The following NPDC1 variants were observed in gnomAD, a reference collection of about 807,000 sequenced individuals.
NPDC1 encodes the protein neural proliferation differentiation and control protein 1.
NPDC1 carries 18 observed loss-of-function variants against 32.5 expected under a neutral mutation model. The observed-to-expected ratio is 0.55, with a 90% CI of 0.38 to 0.82. The LOEUF is 0.82. NPDC1 is among the 40% of genes least tolerant of loss of function. NPDC1 has a pLI of 0.00. For synonymous variants in NPDC1, 210 were observed against 184.7 expected (o/e 1.14, Z -1.11); for missense variants, 468 against 406.6 (o/e 1.15, Z -1.30).
chr9:137,040,976 C>A lies in NPDC1; in HGVS notation c.394G>T (p.Gly132Cys), dbSNP rs771296981. 6.5e-7 allele frequency: 1 copy of A among 1,539,142 alleles called. No individual in the cohort carries two copies. Among genetic ancestry groups the A allele is most frequent in the Non-Finnish European group, 8.7e-7 (1 of 1,145,698 alleles). ...AGCCCCTGCCCCCGTGCCGAGAAGCCCAGGGTGGCTGCGAGAGAGGACAGG... is the reference window on the plus strand; with the variant it reads ...AGCCCCTGCCCCCGTGCCGAGAAGCACAGGGTGGCTGCGAGAGAGGACAGG... ...RQRLPEPATL[G>C]FSARGQGLEL... Residue 132 changes from glycine to cysteine, a missense_variant, in exon 4 of 9, where the codon GGC becomes TGC. Transcript: ENST00000371601.
chr9:137,040,083 T>A lies in NPDC1; in HGVS notation c.789-16A>T, dbSNP rs771150538. The A allele has an allele frequency of 2.6e-6, 2 of 774,160 alleles. No homozygotes were observed. The highest frequency in any genetic ancestry group is 2.7e-5 in the South Asian group (2 of 74,412). The allele number at this position is 774,160 out of a possible 1,614,324, so 48.0% of individuals were successfully genotyped here. On this transcript the variant is annotated splice_polypyrimidine_tract_variant and intron_variant, in intron 7 of 8. Coordinates refer to ENST00000371601, the MANE Select transcript of NPDC1 (RefSeq NM_015392.4). ...CTCTTTATGCCTGGGTGGGGGGGGATCGCTGGGTCCTCCCCATGCCCTCGA... is the reference window on the plus strand; with the variant it reads ...CTCTTTATGCCTGGGTGGGGGGGGAACGCTGGGTCCTCCCCATGCCCTCGA...
rs1832044990 is a variant in NPDC1 at position 137,041,115 on chromosome 9, G to C, written c.332C>G (p.Ser111Cys). 6.6e-7 allele frequency: 1 copy of C among 1,524,782 alleles called. No individual in the cohort carries two copies. Among genetic ancestry groups the C allele is most frequent in the Non-Finnish European group, 8.8e-7 (1 of 1,138,496 alleles). The allele number at this position is 1,524,782 out of a possible 1,614,324, so 94.5% of individuals were successfully genotyped here. The change falls in exon 3 of 9, where the codon TCT (serine) becomes TGT (cysteine). Residue 111 changes from serine (S) to cysteine (C), a missense_variant. By Grantham distance (112) the Ser-to-Cys change is moderately radical. Coordinates refer to ENST00000371601, the MANE Select transcript of NPDC1 (RefSeq NM_015392.4). ...FLAQELARKE[S>C]GHSTPPLPKD... ...GGGTAGGGGCGGAGTTGAGTGTCCA[G>C]ACTCCTTCCGGGCAAGCTCCTGGGC...
chr9:137,044,341 G>C (rs9411299), intron 1 of NPDC1, among the ~76,000 whole-genome samples: 28,502 of 152,170 alleles, frequency 0.19, 3,254 homozygotes, highest in East Asian at 0.36. Flanking sequence ...CATTAAACCT[G>C]TGCCAGCAGG....
rs564238459 is a variant in NPDC1, at chr9:137,040,964, G to T, written c.406C>A (p.Arg136=). Residue 136 remains arginine, a synonymous_variant, in exon 4 of 9, where the codon CGG becomes AGG. Transcript: ENST00000371601. ...AGGCCCAGCTCCAGCCCCTGCCCCC[G>T]TGCCGAGAAGCCCAGGGTGGCTGCG... is the stretch of plus-strand genomic sequence containing the variant. ...PEPATLGFSA[R]GQGLELGLPS... 2.6e-6 allele frequency: 4 copies of T among 1,544,052 alleles called. No individual in the cohort carries two copies. The African/African-American group carries it at 4.1e-5, about 16-fold the overall frequency.
At chr9:137,040,102 C>A in intron 7 of NPDC1, 35 bp from the exon 8 acceptor site, 1 of 767,366 alleles carries the variant, frequency 1.3e-6, no homozygotes, top group Non-Finnish European at 2.4e-6. Context: ...CCTCCCCATG[C>A]CCTCGAGGTG....
Position 137,039,733 on chromosome 9 carries a change from C to T in NPDC1, c.*39G>A, listed in dbSNP as rs762561363. 8.3e-6 allele frequency: 6 copies of T among 721,894 alleles called. No homozygotes were observed. Among genetic ancestry groups the T allele is most frequent in the South Asian group, 1.4e-5 (1 of 70,196 alleles). The allele number at this position is 721,894 out of a possible 1,614,324, so 44.7% of individuals were successfully genotyped here. A position where few individuals can be genotyped will look rare whatever the true frequency, so the allele number is the denominator to read the frequency against. On this transcript the variant is annotated 3_prime_UTR_variant, in exon 9 of 9. Transcript: ENST00000371601. ...AGGCCCTGCCCCTCCCCGGGGGCCT[C>T]GAGGTCGGGGAGCAGGTGGGCGTCT...
At chr9:137,042,458 C>T (rs926020364) in intron 2 of NPDC1, among the ~76,000 whole-genome samples, 8 of 151,958 alleles carry the variant, frequency 5.3e-5, no homozygotes, top group Admixed American at 3.3e-4. Flanking sequence ...GGGGTTTCAC[C>T]GTGTTAGCCA....
intron 1 of NPDC1, among the ~76,000 whole-genome samples, chr9:137,045,341 G>A (rs1462083483): frequency 6.6e-6 from 1 of 152,256 alleles, no homozygotes; most frequent in Non-Finnish European, 1.5e-5. Context: ...CCGAGCCTGC[G>A]CCATAAGTGC....
rs1237637494 is a variant in NPDC1, at chr9:137,041,047, A to T, written c.385+15T>A. ...TAGGGACAGGGCCGTGGGGCAGGGG[A>T]AGCGGGGGTCTCACCAGGCTCCGGG... On this transcript the variant is annotated intron_variant, in intron 3 of 8. Coordinates refer to ENST00000371601, the MANE Select transcript of NPDC1 (RefSeq NM_015392.4). 2 of 1,519,168 alleles carry T rather than the reference A, an allele frequency of 1.3e-6. No homozygotes were observed. The highest frequency in any genetic ancestry group is 4.4e-5 in the Admixed American group (2 of 45,008). The allele number at this position is 1,519,168 out of a possible 1,614,324, so 94.1% of individuals were successfully genotyped here.
intron 7 of NPDC1, 57 bp downstream of exon 7, chr9:137,040,300 G>A: frequency 6.8e-7 from 1 of 1,462,158 alleles, no homozygotes; most frequent in Non-Finnish European, 9.2e-7. Context: ...AAATGGAGGT[G>A]GAGGTGGGGA....
In NPDC1 at chr9:137,039,730, C is replaced by A. The variant is rs1189407982; in HGVS notation, c.*42G>T. ...TCCAGGCCCTGCCCCTCCCCGGGGGCCTCGAGGTCGGGGAGCAGGTGGGCG... is the reference window on the plus strand; with the variant it reads ...TCCAGGCCCTGCCCCTCCCCGGGGGACTCGAGGTCGGGGAGCAGGTGGGCG... On this transcript the variant is annotated 3_prime_UTR_variant, in exon 9 of 9. Coordinates refer to ENST00000371601, the MANE Select transcript of NPDC1 (RefSeq NM_015392.4). 7.0e-6 allele frequency: 5 copies of A among 719,206 alleles called. No individual in the cohort carries two copies. Among genetic ancestry groups the A allele is most frequent in the South Asian group, 5.7e-5 (4 of 69,904 alleles). 44.6% of individuals were successfully genotyped at this position (719,206 alleles called of 1,614,324 possible). A position where few individuals can be genotyped will look rare whatever the true frequency, so the allele number is the denominator to read the frequency against.
chr9:137,040,459 G>A (rs781367045), intron 6 of NPDC1, 23 bp from the exon 7 acceptor site: 2 of 1,563,164 alleles, frequency 1.3e-6, no homozygotes, highest in African/African-American at 2.7e-5. Context: ...GGAGGCGAGG[G>A]TCAGTTGGCG....
chr9:137,045,468 A>G (rs969285941), intron 1 of NPDC1, among the ~76,000 whole-genome samples: 10 of 152,178 alleles, frequency 6.6e-5, no homozygotes, highest in African/African-American at 2.4e-4. Context: ...CCGGCAGCGA[A>G]GCCGGCGGGC....
At chr9:137,043,295 C>G in intron 1 of NPDC1, 4 of 720,378 alleles carry the variant, frequency 5.6e-6, no homozygotes, top group Non-Finnish European at 2.6e-6. Flanking sequence ...CCACCCCTCC[C>G]CAGGGTCCAC....
intron 1 of NPDC1, chr9:137,043,769 G>A: frequency 4.3e-6 from 1 of 233,668 alleles, no homozygotes. Context: ...GCTGGGGATG[G>A]CAGGCCAGGC....
Position 137,040,988 on chromosome 9 carries a change from C to A in NPDC1, c.386-4G>T. 1 of 1,531,848 alleles carries A rather than the reference C, an allele frequency of 6.5e-7. No homozygotes were observed. The highest frequency in any genetic ancestry group is 1.3e-5 in the South Asian group (1 of 77,706). The allele number at this position is 1,531,848 out of a possible 1,614,324, so 94.9% of individuals were successfully genotyped here. A position where few individuals can be genotyped will look rare whatever the true frequency, so the allele number is the denominator to read the frequency against. ...CGTGCCGAGAAGCCCAGGGTGGCTGCGAGAGAGGACAGGTTAGAATGAGAG... is the reference window on the plus strand; with the variant it reads ...CGTGCCGAGAAGCCCAGGGTGGCTGAGAGAGAGGACAGGTTAGAATGAGAG... On this transcript the variant is annotated splice_region_variant and splice_polypyrimidine_tract_variant and intron_variant, in intron 3 of 8. Transcript: ENST00000371601.
rs1832087138 is a variant in NPDC1, at chr9:137,043,403, G to A, written c.113-330C>T. The A allele has an allele frequency of 5.8e-6, 4 of 687,818 alleles. No homozygotes were observed. In the East Asian group the frequency reaches 1.1e-4, roughly 19 times the overall value. The allele number at this position is 687,818 out of a possible 1,614,324, so 42.6% of individuals were successfully genotyped here. A position where few individuals can be genotyped will look rare whatever the true frequency, so the allele number is the denominator to read the frequency against. On this transcript the variant is annotated intron_variant, in intron 1 of 8. Transcript: ENST00000371601. ...AGGGCCGTGCAGCCCCACAAGCCCA[G>A]CCTCCGGCCTCAACATGCCCCACAG...
chr9:137,043,314 C>T (rs1410228432), intron 1 of NPDC1: 2 of 717,868 alleles, frequency 2.8e-6, no homozygotes, highest in Non-Finnish European at 5.2e-6. Context: ...ACTTCCAGGC[C>T]TGATAGAGCC....
At chr9:137,040,764 C>A (rs1832035684) in intron 4 of NPDC1, 27 bp from the exon 5 acceptor site, 4 of 1,586,706 alleles carry the variant, frequency 2.5e-6, no homozygotes, top group African/African-American at 2.7e-5. Flanking sequence ...GTGAGGGCGG[C>A]CTTCTGCAGG....
Sources: gnomAD v4.1 joint callset for allele counts (sites outside exome capture counted in the v4.1 genomes callset) on GRCh38, gnomAD v4.1.1 for gene constraint, MANE v1.5 for transcripts, NCBI Gene and HGNC (gene_info 2026-07-23, HGNC 2026-07-21) for gene names.